Variants in IGF2BP2 observed in about 807,000 individuals in gnomAD.
IGF2BP2 encodes the protein insulin like growth factor 2 mRNA binding protein 2.
Under a neutral mutation model 75.8 loss-of-function variants are expected in IGF2BP2, and 17 were observed. The observed-to-expected ratio is 0.22, with a 90% CI of 0.15 to 0.34. IGF2BP2 has a LOEUF of 0.34. Ranked by LOEUF, IGF2BP2 falls within the 10% of genes least tolerant of loss-of-function variation. The pLI, the probability that IGF2BP2 is intolerant of heterozygous loss-of-function variation, is 1.00. For synonymous variants in IGF2BP2, 288 were observed against 295.6 expected (o/e 0.97, Z 0.26); for missense variants, 516 against 772.4 (o/e 0.67, Z 3.93).
intron 2 of IGF2BP2, among the ~76,000 whole-genome samples, chr3:185,755,335 G>A (rs2149661905): frequency 6.6e-6 from 1 of 152,344 alleles, no homozygotes; most frequent in Admixed American, 6.5e-5. Context: ...ATGGTGTTAA[G>A]CTTACAGGCA....
chr3:185,740,473 A>C (rs1482986731), intron 2 of IGF2BP2, among the ~76,000 whole-genome samples: 1 of 152,228 alleles, frequency 6.6e-6, no homozygotes, highest in African/African-American at 2.4e-5. Flanking sequence ...TTCCAACAGA[A>C]CTAGCCAAGA....
chr3:185,684,549 C>T (rs922007846), intron 7 of IGF2BP2, among the ~76,000 whole-genome samples: 4 of 152,106 alleles, frequency 2.6e-5, no homozygotes, highest in Non-Finnish European at 4.4e-5. Flanking sequence ...GGACTTCAGG[C>T]GTGTGCCACC....
chr3:185,759,332 T>C (rs1204905506), intron 2 of IGF2BP2, among the ~76,000 whole-genome samples: 3 of 152,244 alleles, frequency 2.0e-5, no homozygotes, highest in Admixed American at 6.5e-5. Flanking sequence ...CCCATTTCTG[T>C]CCAGTCTTAA....
In IGF2BP2 at chr3:185,645,404, C is replaced by A. The variant is rs1035095174; in HGVS notation, c.*127G>T. 6 of 698,728 alleles carry A rather than the reference C, an allele frequency of 8.6e-6. No homozygotes were observed. The African/African-American group carries it at 8.9e-5, about 10-fold the overall frequency. The allele number at this position is 698,728 out of a possible 1,614,324, so 43.3% of individuals were successfully genotyped here. Reference sequence around the variant, plus strand: ...CCTCGGCAGAGTCCCTGGCCGCCTCCGCAGACTTCTCATTCCTCAGATGGT... The same window carrying A: ...CCTCGGCAGAGTCCCTGGCCGCCTCAGCAGACTTCTCATTCCTCAGATGGT... On this transcript the variant is annotated 3_prime_UTR_variant, in exon 16 of 16. Coordinates refer to ENST00000382199, the MANE Select transcript of IGF2BP2 (RefSeq NM_006548.6). This position sits in a 1 kb window ranked among gnomAD's most constrained non-coding sequence, Gnocchi z 4.9.
At chr3:185,788,708 G>A (rs1447850965) in intron 2 of IGF2BP2, among the ~76,000 whole-genome samples, 1 of 132,718 alleles carries the variant, frequency 7.5e-6, no homozygotes, top group Non-Finnish European at 1.6e-5. Flanking sequence ...ACTGACAAAC[G>A]ACTTTTTTTT....
chr3:185,660,507 T>C (rs1716248141), intron 10 of IGF2BP2, among the ~76,000 whole-genome samples: 1 of 152,166 alleles, frequency 6.6e-6, no homozygotes, highest in African/African-American at 2.4e-5. Context: ...AGGGCTGCTG[T>C]AGGTTACCAG....
chr3:185,824,692 G>A (rs1436565281), intron 1 of IGF2BP2, 91 bp downstream of exon 1: 1 of 1,027,150 alleles, frequency 9.7e-7, no homozygotes, highest in Non-Finnish European at 1.3e-6. Flanking sequence ...AGCCGCCGCC[G>A]GGCGCCGCCC....
At chr3:185,687,253 G>T in intron 6 of IGF2BP2, 62 bp from the exon 7 acceptor site, 1 of 1,521,650 alleles carries the variant, frequency 6.6e-7, no homozygotes, top group African/African-American at 1.4e-5. Context: ...CTAGCCCCAA[G>T]AAAGCGTCAC....
chr3:185,749,916 CA>C (rs1730737696), intron 2 of IGF2BP2, among the ~76,000 whole-genome samples: 1 of 152,046 alleles, frequency 6.6e-6, no homozygotes, highest in Non-Finnish European at 1.5e-5. Flanking sequence ...AAAAGTACAC[CA>C]AAAATACAAT....
intron 11 of IGF2BP2, 70 bp from the exon 12 acceptor site, chr3:185,657,472 C>T (rs1560235782): frequency 8.5e-7 from 1 of 1,181,594 alleles, no homozygotes; most frequent in East Asian, 2.4e-5. Flanking sequence ...TCAACAGGTA[C>T]CAAGCACCTT....
At chr3:185,722,303 T>C in intron 2 of IGF2BP2, 3 of 455,860 alleles carry the variant, frequency 6.6e-6, no homozygotes, top group South Asian at 4.7e-5. Flanking sequence ...CATCAGGATA[T>C]GCCACTGCAG....
At chr3:185,677,058 TATATATATATAGAGAGAGAGAG>T (rs1719601051) in intron 7 of IGF2BP2, among the ~76,000 whole-genome samples, 2 of 54,560 alleles carry the variant, frequency 3.7e-5, no homozygotes, top group South Asian at 5.8e-4. Flanking sequence ...TATATATATA[TATATATATATAGAGAGAGAGAG>T]AGAGAGAGAG....
intron 2 of IGF2BP2, among the ~76,000 whole-genome samples, chr3:185,761,770 G>C (rs1165934959): frequency 1.3e-5 from 2 of 152,160 alleles, no homozygotes; most frequent in Admixed American, 6.5e-5. Flanking sequence ...TATTTCCATT[G>C]CAACAAAAAC....
chr3:185,662,950 G>T (rs1296501810), intron 10 of IGF2BP2, among the ~76,000 whole-genome samples: 1 of 152,146 alleles, frequency 6.6e-6, no homozygotes, highest in East Asian at 1.9e-4. Context: ...AGAGTGCTGG[G>T]ATTACACGAG....
intron 13 of IGF2BP2, among the ~76,000 whole-genome samples, chr3:185,650,721 GGTCA>G (rs1219880358): frequency 3.3e-4 from 50 of 152,018 alleles, no homozygotes; most frequent in Admixed American, 1.4e-3. Flanking sequence ...CAATTTCAGT[GGTCA>G]GTATGTTGTG....
chr3:185,674,248 T>TG (rs1718953557), intron 9 of IGF2BP2, among the ~76,000 whole-genome samples: 1 of 152,112 alleles, frequency 6.6e-6, no homozygotes. Context: ...GTATGGAAAG[T>TG]GGATGTGGAT....
intron 9 of IGF2BP2, 26 bp downstream of exon 9, chr3:185,675,270 C>A (rs376662868): frequency 1.3e-6 from 2 of 1,594,918 alleles, no homozygotes; most frequent in Non-Finnish European, 8.5e-7. Context: ...TGAAAACCAG[C>A]GGAGAAGAAA....
At chr3:185,763,723 C>G (rs1285091092) in intron 2 of IGF2BP2, among the ~76,000 whole-genome samples, 2 of 152,214 alleles carry the variant, frequency 1.3e-5, no homozygotes, top group Non-Finnish European at 2.9e-5. Context: ...CTACTCTCAG[C>G]TGCAGAACAA....
intron 2 of IGF2BP2, among the ~76,000 whole-genome samples, chr3:185,700,870 T>C (rs1723200944): frequency 6.6e-6 from 1 of 152,098 alleles, no homozygotes; most frequent in Non-Finnish European, 1.5e-5. Context: ...ATACAGCTCT[T>C]AAAAATGAAG....
Sources: allele counts gnomAD v4.1 joint callset (sites outside exome capture counted in the v4.1 genomes callset), GRCh38; gene constraint gnomAD v4.1.1; non-coding constraint Gnocchi (gnomAD v3.1); transcripts MANE v1.5; gene names NCBI Gene and HGNC (gene_info 2026-07-23, HGNC 2026-07-21).